Variants in NUDCD3 observed in about 807,000 individuals in gnomAD.
The protein encoded by NUDCD3 is NudC domain containing 3.
A neutral mutation model predicts 39.7 loss-of-function variants in NUDCD3; 13 were observed. The observed-to-expected ratio is 0.33, with a 90% CI of 0.21 to 0.52. The LOEUF (loss-of-function observed/expected upper bound fraction) is 0.52. Ranked by LOEUF, NUDCD3 falls within the 20% of genes least tolerant of loss-of-function variation. The probability of loss-of-function intolerance (pLI) is 0.96; values close to 1 mark genes in which losing one functional copy is unlikely to be tolerated. For synonymous variants in NUDCD3, 175 were observed against 172.4 expected (o/e 1.02, Z -0.12); for missense variants, 453 against 458.1 (o/e 0.99, Z 0.10).
At chr7:44,455,568 T>C (rs1448299831) in intron 2 of NUDCD3, among the ~76,000 whole-genome samples, 1 of 152,108 alleles carries the variant, frequency 6.6e-6, no homozygotes, top group East Asian at 1.9e-4. Context: ...TGTACATATG[T>C]GTGACAGCTC....
chr7:44,474,754 TA>T (rs1182940953), intron 2 of NUDCD3, among the ~76,000 whole-genome samples: 2 of 152,258 alleles, frequency 1.3e-5, no homozygotes, highest in African/African-American at 4.8e-5. Context: ...GAGAATTTTT[TA>T]AAAGTCCTCC....
rs752091740 is a variant in NUDCD3, at chr7:44,386,127, A to G, written c.976-6T>C. On this transcript the variant is annotated splice_region_variant and splice_polypyrimidine_tract_variant and intron_variant, in intron 5 of 5. Transcript: ENST00000355451. ...TTCAGCATCTCATGGACTTTCTACA[A>G]ACAGAAAATAGAGAGATTAAAGGGG... is the stretch of plus-strand genomic sequence containing the variant. The G allele has an allele frequency of 1.2e-6, 2 of 1,614,058 alleles. No homozygotes were observed. Among genetic ancestry groups the G allele is most frequent in the South Asian group, 1.1e-5 (1 of 91,070 alleles).
At chr7:44,457,408 G>C (rs949594900) in intron 2 of NUDCD3, among the ~76,000 whole-genome samples, 1 of 152,102 alleles carries the variant, frequency 6.6e-6, no homozygotes, top group African/African-American at 2.4e-5. Context: ...CTTGTATATA[G>C]AAAATCCTAA....
At chr7:44,458,747 A>G (rs1204064261) in intron 2 of NUDCD3, among the ~76,000 whole-genome samples, 1 of 152,242 alleles carries the variant, frequency 6.6e-6, no homozygotes, top group Non-Finnish European at 1.5e-5. Flanking sequence ...TACATGTTAA[A>G]GTACAAATTT....
chr7:44,450,921 C>T (rs557499056), intron 2 of NUDCD3, among the ~76,000 whole-genome samples: 1 of 151,900 alleles, frequency 6.6e-6, no homozygotes, highest in Non-Finnish European at 1.5e-5. Flanking sequence ...GATGAATAGA[C>T]AAAAAATAAA....
intron 3 of NUDCD3, among the ~76,000 whole-genome samples, chr7:44,412,826 C>T (rs1445803060): frequency 6.7e-6 from 1 of 149,708 alleles, no homozygotes; most frequent in African/African-American, 2.5e-5. Flanking sequence ...ACTCAGGAGG[C>T]TGAGGCAGGA....
chr7:44,467,858 G>A (rs764493696), intron 2 of NUDCD3: 42 of 1,415,572 alleles, frequency 3.0e-5, no homozygotes, highest in Admixed American at 2.2e-4. Context: ...CTTCCTCGGC[G>A]CTGCCTACGG....
At chr7:44,451,355 A>G (rs1799790996) in intron 2 of NUDCD3, among the ~76,000 whole-genome samples, 1 of 152,196 alleles carries the variant, frequency 6.6e-6, no homozygotes, top group Non-Finnish European at 1.5e-5. Context: ...TCACTGTTTC[A>G]TGGGTACAGA....
intron 3 of NUDCD3, among the ~76,000 whole-genome samples, chr7:44,422,430 C>G (rs1215339163): frequency 6.6e-6 from 1 of 151,754 alleles, no homozygotes; most frequent in Non-Finnish European, 1.5e-5. Context: ...ATCAAATATA[C>G]ACAATAAAAA....
At chr7:44,430,495 T>C (rs1322848437) in intron 2 of NUDCD3, among the ~76,000 whole-genome samples, 4 of 151,942 alleles carry the variant, frequency 2.6e-5, no homozygotes, top group Admixed American at 6.6e-5. Context: ...ATTGACACTT[T>C]TGTACATACA....
chr7:44,405,305 C>A (rs144178190), intron 3 of NUDCD3, among the ~76,000 whole-genome samples: 1 of 152,222 alleles, frequency 6.6e-6, no homozygotes, highest in Non-Finnish European at 1.5e-5. Context: ...CCTTCCCCAC[C>A]GCCCTAGGAA....
intron 5 of NUDCD3, among the ~76,000 whole-genome samples, chr7:44,391,434 T>A (rs1029548094): frequency 6.6e-6 from 1 of 152,170 alleles, no homozygotes; most frequent in South Asian, 2.1e-4. Context: ...AAGGTAAGAC[T>A]AAGACAATCC....
chr7:44,466,910 C>T (rs141769007), intron 2 of NUDCD3, among the ~76,000 whole-genome samples: 2 of 152,324 alleles, frequency 1.3e-5, no homozygotes, highest in African/African-American at 4.8e-5. Context: ...CCCACTCAGA[C>T]TGCTGTTTCA....
intron 3 of NUDCD3, 104 bp from the exon 4 acceptor site, chr7:44,404,687 C>CTG (rs1798784704): frequency 8.4e-7 from 1 of 1,197,238 alleles, no homozygotes; most frequent in African/African-American, 1.5e-5. Context: ...CTGCACACTA[C>CTG]AGCGCTGTCA....
chr7:44,398,565 C>A (rs1044523911), intron 4 of NUDCD3, among the ~76,000 whole-genome samples: 3 of 152,224 alleles, frequency 2.0e-5, no homozygotes, highest in East Asian at 1.9e-4. Flanking sequence ...AATGTCCTCA[C>A]AGAAACTTCC....
At chr7:44,444,695 C>T (rs1032337056) in intron 2 of NUDCD3, among the ~76,000 whole-genome samples, 4 of 152,184 alleles carry the variant, frequency 2.6e-5, no homozygotes, top group African/African-American at 7.2e-5. Context: ...AGCTCCCACT[C>T]CCCTCTGTGA....
intron 4 of NUDCD3, among the ~76,000 whole-genome samples, chr7:44,398,243 A>C (rs1036383545): frequency 6.6e-6 from 1 of 152,158 alleles, no homozygotes; most frequent in Admixed American, 6.5e-5. Flanking sequence ...ATCTTATTGA[A>C]GCAAGCACCT....
intron 2 of NUDCD3, among the ~76,000 whole-genome samples, chr7:44,477,822 C>CTTTT (rs938640330): frequency 3.3e-4 from 31 of 94,132 alleles, no homozygotes; most frequent in African/African-American, 3.6e-4. Context: ...ATGAACAATT[C>CTTTT]TTTTTTTTTT....
chr7:44,390,019 GA>G (rs994184085), intron 5 of NUDCD3, among the ~76,000 whole-genome samples: 1 of 152,170 alleles, frequency 6.6e-6, no homozygotes, highest in Admixed American at 6.5e-5. Flanking sequence ...AGGGCTCACA[GA>G]TAAAAACAGC....
Sources: gnomAD v4.1 joint callset for allele counts (sites outside exome capture counted in the v4.1 genomes callset) on GRCh38, gnomAD v4.1.1 for gene constraint, MANE v1.5 for transcripts, NCBI Gene and HGNC (gene_info 2026-07-23, HGNC 2026-07-21) for gene names.